Variants in SLC25A26 observed in about 807,000 individuals in gnomAD.
The protein encoded by SLC25A26 is solute carrier family 25 member 26.
In SLC25A26, 36 loss-of-function variants were observed where a neutral mutation model predicts 37.8. The ratio of observed to expected loss-of-function variants is 0.95; its 90% CI spans 0.73 to 1.26. SLC25A26 has a LOEUF of 1.26. Ranked by LOEUF, SLC25A26 falls within the 50% of genes most tolerant of loss-of-function variation. SLC25A26 has a pLI of 0.00. For synonymous variants in SLC25A26, 129 were observed against 122.5 expected (o/e 1.05, Z -0.35); for missense variants, 390 against 331.1 (o/e 1.18, Z -1.38).
At chr3:66,352,185 G>C (rs1284895785) in intron 6 of SLC25A26, among the ~76,000 whole-genome samples, 3 of 152,106 alleles carry the variant, frequency 2.0e-5, no homozygotes. Context: ...CAACCTGGGC[G>C]ACAGAGTGAG....
At chr3:66,142,552 C>G (rs948622432) in intron 1 of SLC25A26, among the ~76,000 whole-genome samples, 10 of 152,190 alleles carry the variant, frequency 6.6e-5, no homozygotes, top group African/African-American at 2.4e-4. Context: ...CACAGGAACT[C>G]GGAGAAGAAC....
intron 1 of SLC25A26, among the ~76,000 whole-genome samples, chr3:66,167,472 A>G (rs998173149): frequency 6.6e-6 from 1 of 152,266 alleles, no homozygotes; most frequent in Non-Finnish European, 1.5e-5. Flanking sequence ...ACCTGAATGC[A>G]TCACACTTTA....
intron 3 of SLC25A26, among the ~76,000 whole-genome samples, chr3:66,253,224 G>A (rs1361069327): frequency 6.6e-6 from 1 of 151,594 alleles, no homozygotes; most frequent in African/African-American, 2.4e-5. Flanking sequence ...TGGCTAACAC[G>A]GTGAAAGCTT....
At chr3:66,138,270 T>C (rs28505759) in intron 1 of SLC25A26, among the ~76,000 whole-genome samples, 2 of 152,310 alleles carry the variant, frequency 1.3e-5, no homozygotes, top group East Asian at 3.9e-4. Context: ...ATACAATGTA[T>C]ACATCTGAAG....
intron 2 of SLC25A26, among the ~76,000 whole-genome samples, chr3:66,237,765 T>G (rs1215133128): frequency 6.6e-6 from 1 of 152,178 alleles, no homozygotes; most frequent in East Asian, 1.9e-4. Flanking sequence ...AAACAAAAAA[T>G]CACCATATAT....
At chr3:66,276,775 G>T (rs1479590877) in intron 5 of SLC25A26, among the ~76,000 whole-genome samples, 1 of 151,848 alleles carries the variant, frequency 6.6e-6, no homozygotes, top group Non-Finnish European at 1.5e-5. Context: ...TGGAGAAGCA[G>T]AAATTTTTGT....
chr3:66,228,815 G>A (rs957409308), intron 1 of SLC25A26, among the ~76,000 whole-genome samples: 3 of 152,136 alleles, frequency 2.0e-5, no homozygotes, highest in African/African-American at 7.2e-5. Flanking sequence ...GAATCATAAA[G>A]CAATTTGAAC....
chr3:66,356,310 T>A (rs2076574628), intron 6 of SLC25A26, among the ~76,000 whole-genome samples: 1 of 152,156 alleles, frequency 6.6e-6, no homozygotes, highest in Admixed American at 6.5e-5. Flanking sequence ...ATAGCTATTA[T>A]CTTGGGGTGG....
intron 1 of SLC25A26, among the ~76,000 whole-genome samples, chr3:66,224,517 C>A (rs529880164): frequency 1.6e-4 from 24 of 152,292 alleles, no homozygotes; most frequent in African/African-American, 5.8e-4. Flanking sequence ...TCTACCAGGT[C>A]CCTCCCACAA....
chr3:66,150,571 AAT>A (rs1182458304), intron 1 of SLC25A26, among the ~76,000 whole-genome samples: 2 of 123,068 alleles, frequency 1.6e-5, no homozygotes, highest in Non-Finnish European at 3.4e-5. Flanking sequence ...TATATATAAA[AAT>A]ATATATATCA....
chr3:66,259,200 C>T (rs371415052), intron 3 of SLC25A26, among the ~76,000 whole-genome samples: 65 of 152,280 alleles, frequency 4.3e-4, no homozygotes, highest in Admixed American at 8.5e-4. Flanking sequence ...CATTATGTAC[C>T]GCCTTCCAGT....
At chr3:66,231,606 C>A (rs956942180) in intron 1 of SLC25A26, among the ~76,000 whole-genome samples, 3 of 152,016 alleles carry the variant, frequency 2.0e-5, no homozygotes, top group Non-Finnish European at 4.4e-5. Context: ...TAATTTCTAG[C>A]AATTTACTGT....
At chr3:66,148,547 G>T (rs1413769832) in intron 1 of SLC25A26, among the ~76,000 whole-genome samples, 1 of 152,220 alleles carries the variant, frequency 6.6e-6, no homozygotes, top group Non-Finnish European at 1.5e-5. Flanking sequence ...GGCTGGCCTT[G>T]ACTCACTGGG....
chr3:66,168,108 G>T (rs1013077461), intron 1 of SLC25A26, among the ~76,000 whole-genome samples: 1 of 120,490 alleles, frequency 8.3e-6, no homozygotes, highest in Non-Finnish European at 1.8e-5. Context: ...AGCTAAGATC[G>T]TGCCATCGCA....
intron 5 of SLC25A26, among the ~76,000 whole-genome samples, chr3:66,323,434 C>G (rs182273997): frequency 2.4e-4 from 37 of 152,298 alleles, no homozygotes; most frequent in Admixed American, 4.6e-4. Flanking sequence ...AAGGGAATTG[C>G]AATAGAGAAA....
intron 5 of SLC25A26, among the ~76,000 whole-genome samples, chr3:66,273,419 C>G (rs1391598952): frequency 2.2e-4 from 34 of 152,154 alleles, no homozygotes; most frequent in South Asian, 4.1e-4. Flanking sequence ...TCCATCTGGT[C>G]CTGGACTCTT....
intron 5 of SLC25A26, among the ~76,000 whole-genome samples, chr3:66,297,944 TTCC>T (rs1334084149): frequency 6.6e-6 from 1 of 152,244 alleles, no homozygotes; most frequent in African/African-American, 2.4e-5. Context: ...AGCATATCAT[TTCC>T]TCGTTATCAA....
intron 3 of SLC25A26, among the ~76,000 whole-genome samples, chr3:66,260,525 C>T (rs1252979204): frequency 6.6e-6 from 1 of 152,108 alleles, no homozygotes; most frequent in East Asian, 1.9e-4. Flanking sequence ...CATAACCATA[C>T]CCTTTGTTGT....
chr3:66,211,730 A>C (rs1180854658), intron 1 of SLC25A26, among the ~76,000 whole-genome samples: 1 of 152,258 alleles, frequency 6.6e-6, no homozygotes, highest in East Asian at 1.9e-4. Context: ...CAAATGTTTC[A>C]CAAGCATTTC....
Sources: gnomAD v4.1 joint callset for allele counts (sites outside exome capture counted in the v4.1 genomes callset) on GRCh38, gnomAD v4.1.1 for gene constraint, MANE v1.5 for transcripts, NCBI Gene and HGNC (gene_info 2026-07-23, HGNC 2026-07-21) for gene names.